ZNF107: variants seen among roughly 807,000 people sequenced by gnomAD.
ZNF107 encodes zinc finger protein 107, also known as C2H2 type zinc-finger protein.
A neutral mutation model predicts 12.3 loss-of-function variants in ZNF107; 19 were observed. The observed-to-expected ratio is 1.55, with a 90% CI of 1.08 to 2.27. ZNF107 has a LOEUF of 2.27. Ranked by LOEUF, ZNF107 falls within the 30% of genes most tolerant of loss-of-function variation. The probability of loss-of-function intolerance (pLI) is 0.00; values close to 1 mark genes in which losing one functional copy is unlikely to be tolerated. For synonymous variants in ZNF107, 317 were observed against 330.5 expected, an observed-to-expected ratio of 0.96 and a Z score of 0.44; for missense variants, 958 against 979.9, an observed-to-expected ratio of 0.98 and a Z score of 0.30.
intron 1 of ZNF107, 107 bp from the exon 2 acceptor site, chr7:64,691,141 G>T: frequency 9.1e-7 from 1 of 1,094,598 alleles, no homozygotes; most frequent in Middle Eastern, 3.2e-4. Context: ...CAAAGTGCTG[G>T]GATTACAGGC....
Position 64,695,612 on chromosome 7 carries a change from A to G in ZNF107, c.226+3652A>G, listed in dbSNP as rs961834801. 2.6e-5 allele frequency among the ~76,000 whole-genome samples: 4 copies of G among 152,186 alleles called. No homozygotes were observed. The East Asian group carries it at 7.7e-4, about 29-fold the overall frequency. On this transcript the variant is annotated intron_variant, in intron 3 of 3. Transcript: ENST00000620827. ...GTGGGGTTTAAAAAATAAATTAGCC[A>G]TATGTCTATTACAATCAGATTATAT...
At chr7:64,668,912 C>T (rs572885204) in intron 1 of ZNF107, 19 of 151,196 alleles carry the variant, frequency 1.3e-4, no homozygotes, top group African/African-American at 4.4e-4. Context: ...ATGAAAGCAT[C>T]AGTTCCTCTT....
chr7:64,708,235 C>G lies in ZNF107; in HGVS notation c.2138C>G (p.Ala713Gly), dbSNP rs562691754. ...TACCAATGTGCAGAATGTGGCAAAG[C>G]CTTTAACTGCTCCTCAACCCTTAAT... ...KPYQCAECGK[A>G]FNCSSTLNRH... is the part of the protein sequence containing the mutation. Residue 713 changes from alanine (A) to glycine (G), a missense_variant, in exon 4 of 4, where the codon GCC becomes GGC. Coordinates refer to ENST00000620827, the MANE Select transcript of ZNF107 (RefSeq NM_001282359.2). 1.9e-6 allele frequency: 3 copies of G among 1,613,532 alleles called. No individual in the cohort carries two copies. The South Asian group carries it at 3.3e-5, about 18-fold the overall frequency.
chr7:64,674,812 G>A (rs754938938), intron 1 of ZNF107, among the ~76,000 whole-genome samples: 6 of 152,064 alleles, frequency 3.9e-5, no homozygotes, highest in East Asian at 1.9e-4. Flanking sequence ...ATTTTAATGC[G>A]AAGGATGTTG....
At chr7:64,697,386 TCGCCACAC>T (rs1191258462) in intron 3 of ZNF107, among the ~76,000 whole-genome samples, 2 of 152,220 alleles carry the variant, frequency 1.3e-5, no homozygotes, top group Non-Finnish European at 2.9e-5. Flanking sequence ...CCCTGAGGAA[TCGCCACAC>T]CGACTTCCAC....
At chr7:64,694,201 G>T (rs974668919) in intron 3 of ZNF107, among the ~76,000 whole-genome samples, 16 of 152,228 alleles carry the variant, frequency 1.1e-4, no homozygotes, top group Non-Finnish European at 2.1e-4. Context: ...CTGCAGGCCT[G>T]CCTGCATGGC....
intron 1 of ZNF107, among the ~76,000 whole-genome samples, chr7:64,672,410 GC>G (rs1789266628): frequency 4.6e-5 from 7 of 152,226 alleles, no homozygotes; most frequent in African/African-American, 1.4e-4. Flanking sequence ...AGGCTGAAGT[GC>G]AGTGGTGTGA....
At chr7:64,673,108 A>G (rs1157474460) in intron 1 of ZNF107, among the ~76,000 whole-genome samples, 1 of 152,176 alleles carries the variant, frequency 6.6e-6, no homozygotes, top group African/African-American at 2.4e-5. Context: ...CAGTGGCACG[A>G]TCTTGGCTCA....
intron 3 of ZNF107, among the ~76,000 whole-genome samples, chr7:64,702,004 A>G (rs1790491378): frequency 6.6e-6 from 1 of 152,042 alleles, no homozygotes; most frequent in Non-Finnish European, 1.5e-5. Context: ...TTTCCTGTAG[A>G]TGTTTTTTCT....
In ZNF107 at chr7:64,703,115, AT is replaced by A. The variant is rs532308608; in HGVS notation, c.227-3204del. Reference sequence around the variant, plus strand: ...CTTTAATTTTGTTTTGCAATTTAATATTTTTATGTTATATATTTTAGGATGT... The same window carrying A: ...CTTTAATTTTGTTTTGCAATTTAATATTTTATGTTATATATTTTAGGATGT... On this transcript the variant is annotated intron_variant, in intron 3 of 3. Coordinates refer to ENST00000620827, the MANE Select transcript of ZNF107 (RefSeq NM_001282359.2). Among the ~76,000 whole-genome samples the A allele has an allele frequency of 1.6e-3, 250 of 152,160 alleles. 1 individual carries two copies. The highest frequency in any genetic ancestry group is 3.1e-3 in the Non-Finnish European group (212 of 68,000).
intron 3 of ZNF107, among the ~76,000 whole-genome samples, chr7:64,692,167 C>T (rs989229979): frequency 2.6e-5 from 4 of 152,166 alleles, no homozygotes; most frequent in African/African-American, 9.7e-5. Flanking sequence ...ACTTTCCCTT[C>T]AGTGATCTTT....
chr7:64,684,409 C>T (rs1254072596), intron 1 of ZNF107, among the ~76,000 whole-genome samples: 45 of 152,120 alleles, frequency 3.0e-4, no homozygotes, highest in Non-Finnish European at 7.4e-5. Flanking sequence ...ATCTCTACAA[C>T]CTCAGTGGAC....
At chr7:64,684,237 A>C (rs1320311846) in intron 1 of ZNF107, among the ~76,000 whole-genome samples, 1 of 152,156 alleles carries the variant, frequency 6.6e-6, no homozygotes, top group Non-Finnish European at 1.5e-5. Flanking sequence ...ATATGGTAGT[A>C]CTTTTCTACT....
At position 64,694,024 on chromosome 7, in the gene ZNF107, G is replaced by T. The variant is rs542164802; in HGVS notation, c.226+2064G>T. Among the ~76,000 whole-genome samples, 144 of 152,230 alleles carry T rather than the reference G, an allele frequency of 9.5e-4. 2 individuals carry two copies. The highest frequency in any genetic ancestry group is 3.3e-3 in the African/African-American group (139 of 41,536). ...GCTGGTCTCGAACTCCTGACCTTAG[G>T]TGATCCACCCATCTCTACCGCCCAA... On this transcript the variant is annotated intron_variant, in intron 3 of 3. Coordinates refer to ENST00000620827, the MANE Select transcript of ZNF107 (RefSeq NM_001282359.2).
intron 3 of ZNF107, among the ~76,000 whole-genome samples, chr7:64,701,356 A>G (rs546426731): frequency 6.6e-6 from 1 of 150,838 alleles, no homozygotes; most frequent in Non-Finnish European, 1.5e-5. Context: ...CCTGCCTCCC[A>G]GGTTCACGTG....
At chr7:64,696,966 C>G (rs1002939836) in intron 3 of ZNF107, among the ~76,000 whole-genome samples, 2 of 152,062 alleles carry the variant, frequency 1.3e-5, no homozygotes, top group African/African-American at 2.4e-5. Flanking sequence ...ATCCCTCCCC[C>G]CTGCCCCCAC....
At chr7:64,684,378 G>C (rs1049285564) in intron 1 of ZNF107, among the ~76,000 whole-genome samples, 2 of 152,092 alleles carry the variant, frequency 1.3e-5, no homozygotes, top group Non-Finnish European at 2.9e-5. Context: ...AGCCCATCCT[G>C]ATAAAGAGCT....
chr7:64,686,329 A>AT (rs1789909471), intron 1 of ZNF107, among the ~76,000 whole-genome samples: 1 of 151,754 alleles, frequency 6.6e-6, no homozygotes, highest in African/African-American at 2.4e-5. Context: ...TCCTTCTCCT[A>AT]TTTGGACCCT....
intron 1 of ZNF107, among the ~76,000 whole-genome samples, chr7:64,668,377 A>G (rs970128206): frequency 4.5e-5 from 6 of 133,820 alleles, no homozygotes; most frequent in Admixed American, 1.8e-4. Context: ...TCATTGTTCA[A>G]TTCCCACCTA....
Sources: gnomAD v4.1 joint callset for allele counts (sites outside exome capture counted in the v4.1 genomes callset) on GRCh38, gnomAD v4.1.1 for gene constraint, MANE v1.5 for transcripts, NCBI Gene and HGNC (gene_info 2026-07-23, HGNC 2026-07-21) for gene names.